GPHN: variants seen among roughly 807,000 people sequenced by gnomAD.
GPHN encodes gephyrin.
A neutral mutation model predicts 95.5 loss-of-function variants in GPHN; 17 were observed. The ratio of observed to expected loss-of-function variants is 0.18; its 90% CI spans 0.12 to 0.27. The LOEUF is 0.27. Ranked by LOEUF, GPHN falls within the 10% of genes least tolerant of loss-of-function variation. The pLI is 1.00. For missense variants in GPHN, 660 were observed against 978.1 expected, an observed-to-expected ratio of 0.67 and a Z score of 4.34; for synonymous variants, 320 against 322.5, an observed-to-expected ratio of 0.99 and a Z score of 0.08.
intron 3 of GPHN, among the ~76,000 whole-genome samples, chr14:66,779,204 CA>C (rs974567211): frequency 4.6e-5 from 7 of 151,798 alleles, no homozygotes; most frequent in African/African-American, 1.5e-4. Flanking sequence ...ATTCTAGCTT[CA>C]AAAAAAATTT....
intron 9 of GPHN, among the ~76,000 whole-genome samples, chr14:67,008,026 G>A (rs998960208): frequency 2.0e-5 from 3 of 152,180 alleles, no homozygotes; most frequent in Admixed American, 6.5e-5. Flanking sequence ...CAAAGGTGAG[G>A]TAGTAAAGGA....
At chr14:67,548,090 A>G in the GPHN span, among the ~76,000 whole-genome samples, 1 of 151,784 alleles carries the variant, frequency 6.6e-6, no homozygotes, top group Admixed American at 6.6e-5. Flanking sequence ...TGCTCACATC[A>G]TTTTCCCTAG....
the GPHN span, among the ~76,000 whole-genome samples, chr14:67,629,958 T>TA: frequency 3.3e-5 from 5 of 152,178 alleles, no homozygotes; most frequent in African/African-American, 1.2e-4. Context: ...CAAAAATCTT[T>TA]AAAAAATCAT....
At chr14:66,835,241 G>A (rs1176607975) in intron 4 of GPHN, among the ~76,000 whole-genome samples, 4 of 144,480 alleles carry the variant, frequency 2.8e-5, no homozygotes, top group South Asian at 4.4e-4. Context: ...AGGGTTTTTT[G>A]TGTCTCTATT....
rs146131397 is a variant in GPHN, at chr14:66,959,312, A to C, written c.829-5879A>C. Reference sequence around the variant, plus strand: ...ATTTCTTCATGTCAGAGGATTCACAAACAAAAATATACGTGAGATACTGAC... The same window carrying C: ...ATTTCTTCATGTCAGAGGATTCACACACAAAAATATACGTGAGATACTGAC... On this transcript the variant is annotated intron_variant, in intron 8 of 22. Coordinates refer to ENST00000478722, the MANE Select transcript of GPHN (RefSeq NM_020806.5). Among the ~76,000 whole-genome samples the C allele has an allele frequency of 2.3e-3, 350 of 152,152 alleles. 5 individuals carry two copies. Among genetic ancestry groups the C allele is most frequent in the Non-Finnish European group, 4.0e-3 (270 of 67,926 alleles).
At chr14:67,198,055 T>A in the GPHN span, 2 of 1,400,526 alleles carry the variant, frequency 1.4e-6, no homozygotes, top group East Asian at 4.7e-5. Context: ...TAAAATTTGC[T>A]GAATTAATAA....
At chr14:66,954,030 G>A (rs112102190) in intron 8 of GPHN, among the ~76,000 whole-genome samples, 13 of 71,918 alleles carry the variant, frequency 1.8e-4, no homozygotes, top group African/African-American at 3.7e-4. Flanking sequence ...AGCAAAACTC[G>A]GTCTCAAAAA....
the GPHN span, among the ~76,000 whole-genome samples, chr14:67,666,881 A>G: frequency 1.3e-5 from 2 of 152,350 alleles, no homozygotes; most frequent in South Asian, 2.1e-4. Context: ...GTGCTCCCAG[A>G]GTATAGCCTT....
At chr14:67,208,083 C>A in the GPHN span, 18 of 1,427,120 alleles carry the variant, frequency 1.3e-5, no homozygotes, top group South Asian at 1.6e-4. Context: ...CCTTACTACT[C>A]CTCACGGGTG....
the GPHN span, among the ~76,000 whole-genome samples, chr14:67,194,783 G>A: frequency 2.6e-5 from 4 of 152,046 alleles, no homozygotes; most frequent in East Asian, 1.9e-4. Flanking sequence ...TCAGTCTCTC[G>A]AGTAGCTGGG....
rs768115685 is a variant in GPHN at position 66,737,167 on chromosome 14, G to A, written c.144-39297G>A. On this transcript the variant is annotated intron_variant, in intron 2 of 22. Coordinates refer to ENST00000478722, the MANE Select transcript of GPHN (RefSeq NM_020806.5). The stretch of plus-strand genomic sequence containing the variant: ...TTTAGGTCTGGTTCTGTAGTTCGTC[G>A]TTTCTACATATACTTTTTGTGGTAG... Among the ~76,000 whole-genome samples, 79 of 152,108 alleles carry A rather than the reference G, an allele frequency of 5.2e-4. 1 individual carries two copies. The highest frequency in any genetic ancestry group is 4.6e-4 in the Admixed American group (7 of 15,258).
At chr14:66,915,450 A>G (rs1212763536) in intron 5 of GPHN, among the ~76,000 whole-genome samples, 1 of 152,128 alleles carries the variant, frequency 6.6e-6, no homozygotes, top group Non-Finnish European at 1.5e-5. Context: ...ATTGACAATT[A>G]TCTCTGAAAG....
the GPHN span, chr14:67,335,767 A>G: frequency 6.6e-6 from 1 of 152,664 alleles, no homozygotes; most frequent in South Asian, 2.1e-4. Flanking sequence ...GTCATACTGT[A>G]CACTGTATTG....
At chr14:67,483,887 C>A in the GPHN span, among the ~76,000 whole-genome samples, 1 of 152,166 alleles carries the variant, frequency 6.6e-6, no homozygotes, top group Non-Finnish European at 1.5e-5. Context: ...GCCTCAGATC[C>A]CAAGCAAACC....
intron 1 of GPHN, among the ~76,000 whole-genome samples, chr14:66,545,774 C>T (rs1275453763): frequency 4.1e-5 from 6 of 148,028 alleles, no homozygotes; most frequent in East Asian, 2.1e-4. Context: ...GGCAGCTGGC[C>T]GGGCAGAGGG....
chr14:66,624,833 G>T (rs562601550), intron 1 of GPHN, among the ~76,000 whole-genome samples: 1 of 152,290 alleles, frequency 6.6e-6, no homozygotes, highest in South Asian at 2.1e-4. Context: ...GTATTCCTAA[G>T]GATTAAGTTA....
At chr14:66,659,533 C>T (rs867131227) in intron 1 of GPHN, among the ~76,000 whole-genome samples, 2 of 152,006 alleles carry the variant, frequency 1.3e-5, no homozygotes, top group African/African-American at 2.4e-5. Flanking sequence ...ATGTCTCCAA[C>T]TATGTTTATG....
chr14:66,627,607 A>T (rs2063571252), intron 1 of GPHN, among the ~76,000 whole-genome samples: 3 of 152,030 alleles, frequency 2.0e-5, no homozygotes, highest in Admixed American at 1.3e-4. Context: ...TAAACTTTTA[A>T]ACATTTTACT....
At chr14:66,756,648 T>G (rs775281742) in intron 2 of GPHN, among the ~76,000 whole-genome samples, 2 of 152,234 alleles carry the variant, frequency 1.3e-5, no homozygotes, top group African/African-American at 2.4e-5. Context: ...TTGTTTTTAC[T>G]GTCTTTTGGA....
Sources: allele counts gnomAD v4.1 joint callset (sites outside exome capture counted in the v4.1 genomes callset), GRCh38; gene constraint gnomAD v4.1.1; transcripts MANE v1.5; gene names NCBI Gene and HGNC (gene_info 2026-07-23, HGNC 2026-07-21).